DDR2: variants seen among roughly 807,000 people sequenced by gnomAD.
DDR2 encodes discoidin domain receptor tyrosine kinase 2.
A neutral mutation model predicts 94.9 loss-of-function variants in DDR2; 27 were observed. The ratio of observed to expected loss-of-function variants is 0.28; its 90% CI spans 0.21 to 0.39. The LOEUF is 0.39. Among genes scored for constraint, DDR2 ranks in the 10% least tolerant of loss-of-function variants. The pLI is 1.00. For missense variants in DDR2, 783 were observed against 1,076.0 expected, an observed-to-expected ratio of 0.73 and a Z score of 3.81; for synonymous variants, 382 against 377.2, an observed-to-expected ratio of 1.01 and a Z score of -0.15.
In DDR2 at chr1:162,658,868, A is replaced by G. The variant is rs73018552; in HGVS notation, c.-28+3494A>G. Among the ~76,000 whole-genome samples the G allele has an allele frequency of 9.8e-3, 1,497 of 152,112 alleles. 33 individuals are homozygous for G. Among genetic ancestry groups the G allele is most frequent in the African/African-American group, 0.034 (1,413 of 41,538 alleles). ...AATAAATAAAAGTTCTTCAAAGAGG[A>G]ATGGAGGGGAGGAACCAAGGGCTGA... is the stretch of plus-strand genomic sequence containing the variant. On this transcript the variant is annotated intron_variant, in intron 2 of 17. Transcript: ENST00000367921.
In DDR2 at chr1:162,776,387, T is replaced by G. The variant is rs1382094462; in HGVS notation, c.2283+17T>G. The G allele has an allele frequency of 1.9e-6, 3 of 1,613,448 alleles. No homozygotes were observed. The African/African-American group carries it at 4.0e-5, about 22-fold the overall frequency. On this transcript the variant is annotated intron_variant, in intron 16 of 17. Coordinates refer to ENST00000367921, the MANE Select transcript of DDR2 (RefSeq NM_006182.4). The stretch of plus-strand genomic sequence containing the variant: ...ATCTTGCTGGTAAGTTCTCAGCATT[T>G]TAAAGCCCTGTCTAACAACTGGCTT...
chr1:162,701,410 T>C (rs1405540578), intron 2 of DDR2, among the ~76,000 whole-genome samples: 1 of 152,248 alleles, frequency 6.6e-6, no homozygotes, highest in Non-Finnish European at 1.5e-5. Flanking sequence ...GGAGTGTTCA[T>C]AGGCTTACAA....
intron 2 of DDR2, among the ~76,000 whole-genome samples, chr1:162,675,446 G>A (rs1659082164): frequency 6.6e-6 from 1 of 152,172 alleles, no homozygotes; most frequent in Non-Finnish European, 1.5e-5. Flanking sequence ...TTGATGGCAA[G>A]TCTACCAGTC....
chr1:162,765,973 G>C (rs770289851), intron 9 of DDR2, 28 bp from the exon 10 acceptor site: 2 of 1,612,702 alleles, frequency 1.2e-6, no homozygotes, highest in Non-Finnish European at 8.5e-7. Context: ...CTTCTCCCTG[G>C]CTCTGACTCA....
intron 3 of DDR2, among the ~76,000 whole-genome samples, chr1:162,735,137 C>G (rs150542441): frequency 1.9e-3 from 286 of 152,276 alleles, no homozygotes; most frequent in African/African-American, 6.6e-3. Context: ...TAACATCTTA[C>G]CTATCATTCC....
chr1:162,743,959 C>T (rs1016629165), intron 3 of DDR2, among the ~76,000 whole-genome samples: 3 of 152,214 alleles, frequency 2.0e-5, no homozygotes, highest in African/African-American at 7.2e-5. Context: ...TAAATGGAAG[C>T]ATACAGTATG....
chr1:162,716,301 G>A (rs1661164557), intron 2 of DDR2, among the ~76,000 whole-genome samples: 2 of 152,140 alleles, frequency 1.3e-5, no homozygotes, highest in South Asian at 4.1e-4. Flanking sequence ...AAGACTGCTA[G>A]GAGAGGGCGG....
chr1:162,765,960 T>A (rs1314091638), intron 9 of DDR2, 41 bp from the exon 10 acceptor site: 4 of 1,606,274 alleles, frequency 2.5e-6, no homozygotes, highest in Non-Finnish European at 3.4e-6. Flanking sequence ...ACTAGCTGTC[T>A]GTCTTCTCCC....
chr1:162,776,563 A>G (rs1647565616), intron 16 of DDR2, among the ~76,000 whole-genome samples, 193 bp downstream of exon 16: 1 of 152,202 alleles, frequency 6.6e-6, no homozygotes, highest in Non-Finnish European at 1.5e-5. Flanking sequence ...AAAAATTAAC[A>G]CACATAAAAA....
chr1:162,656,377 C>T lies in DDR2; in HGVS notation c.-28+1003C>T, dbSNP rs191658662. 5.1e-3 allele frequency among the ~76,000 whole-genome samples: 784 copies of T among 152,244 alleles called. 3 individuals are homozygous for T. The highest frequency in any genetic ancestry group is 9.9e-3 in the Non-Finnish European group (670 of 68,014). On this transcript the variant is annotated intron_variant, in intron 2 of 17. Transcript: ENST00000367921. ...AAGGGTGGGGCTAAAGTGGTATTTT[C>T]TTACATTCCCCAGAAGATTTCTTCT...
chr1:162,710,371 C>G lies in DDR2; in HGVS notation c.-27-8666C>G, dbSNP rs112206072. On this transcript the variant is annotated intron_variant, in intron 2 of 17. Coordinates refer to ENST00000367921, the MANE Select transcript of DDR2 (RefSeq NM_006182.4). ...GGGCCTTTGGCTCCACACTGAGGGGCTGCATTTTGAGAATCACGAGGTTGG... is the reference window on the plus strand; with the variant it reads ...GGGCCTTTGGCTCCACACTGAGGGGGTGCATTTTGAGAATCACGAGGTTGG... Among the ~76,000 whole-genome samples, 1,017 of 152,224 alleles carry G rather than the reference C, an allele frequency of 6.7e-3. 10 individuals carry two copies. Among genetic ancestry groups the G allele is most frequent in the African/African-American group, 0.023 (964 of 41,536 alleles).
At chr1:162,639,956 T>G (rs1040932359) in intron 1 of DDR2, among the ~76,000 whole-genome samples, 1 of 152,170 alleles carries the variant, frequency 6.6e-6, no homozygotes, top group Non-Finnish European at 1.5e-5. Flanking sequence ...CAATGGTGGA[T>G]GTATGTCATT....
At position 162,673,594 on chromosome 1, in the gene DDR2, TATGTGTGTGTGTGTGAGAGA is replaced by T. The variant is rs1234057155; in HGVS notation, c.-28+18221_-28+18240del. Among the ~76,000 whole-genome samples the T allele has an allele frequency of 1.1e-3, 133 of 121,620 alleles. 2 individuals carry two copies. The East Asian group carries it at 0.018, about 16-fold the overall frequency. The allele number at this position is 121,620 out of a possible 152,430, so 79.8% of individuals were successfully genotyped here. On this transcript the variant is annotated intron_variant, in intron 2 of 17. Transcript: ENST00000367921. ...GTCATTATGTGCGTGTGTGTGTGTG[TATGTGTGTGTGTGTGAGAGA>T]GAGAGAGAGAGAGAGAGAGAGAGAG...
At chr1:162,753,999 G>A (rs1663337974) in intron 4 of DDR2, among the ~76,000 whole-genome samples, 1 of 152,224 alleles carries the variant, frequency 6.6e-6, no homozygotes, top group Non-Finnish European at 1.5e-5. Flanking sequence ...ATCCAAGGGA[G>A]AGGAAAAGTG....
chr1:162,677,226 T>A (rs1659174551), intron 2 of DDR2, among the ~76,000 whole-genome samples: 2 of 152,074 alleles, frequency 1.3e-5, no homozygotes, highest in Admixed American at 1.3e-4. Context: ...TTTCTTTTCC[T>A]CCCTAAGGGT....
chr1:162,741,602 C>T, intron 3 of DDR2: 1 of 985,310 alleles, frequency 1.0e-6, no homozygotes, highest in Non-Finnish European at 1.2e-6. Context: ...ATCAGGGACA[C>T]TATGACATGG....
intron 3 of DDR2, among the ~76,000 whole-genome samples, chr1:162,749,624 G>A (rs981088744): frequency 6.6e-6 from 1 of 152,176 alleles, no homozygotes; most frequent in Admixed American, 6.5e-5. Flanking sequence ...CCAGTCAATA[G>A]AAATACAGGG....
chr1:162,724,757 A>ATG (rs1176377529), intron 3 of DDR2, among the ~76,000 whole-genome samples: 2 of 151,784 alleles, frequency 1.3e-5, no homozygotes, highest in Non-Finnish European at 2.9e-5. Flanking sequence ...ATGTGTGTGT[A>ATG]TGTGTGTGTG....
At chr1:162,662,908 C>T (rs1386172531) in intron 2 of DDR2, among the ~76,000 whole-genome samples, 1 of 152,076 alleles carries the variant, frequency 6.6e-6, no homozygotes. Flanking sequence ...CTGGAGACTT[C>T]AGCTTCTGAG....
Sources: gnomAD v4.1 joint callset for allele counts (sites outside exome capture counted in the v4.1 genomes callset) on GRCh38, gnomAD v4.1.1 for gene constraint, MANE v1.5 for transcripts, NCBI Gene and HGNC (gene_info 2026-07-23, HGNC 2026-07-21) for gene names.